Variants in RNF130 observed in about 807,000 individuals in gnomAD.
The protein encoded by RNF130 is E3 ubiquitin-protein ligase RNF130.
A neutral mutation model predicts 44.6 loss-of-function variants in RNF130; 21 were observed. That is an observed-to-expected ratio of 0.47 (90% CI 0.33 to 0.68). The LOEUF (loss-of-function observed/expected upper bound fraction) is 0.68. Among genes scored for constraint, RNF130 ranks in the 30% least tolerant of loss-of-function variants. The pLI is 0.02. For missense variants in RNF130, 479 were observed against 560.6 expected, an observed-to-expected ratio of 0.85 and a Z score of 1.47; for synonymous variants, 214 against 210.4, an observed-to-expected ratio of 1.02 and a Z score of -0.15.
intron 2 of RNF130, among the ~76,000 whole-genome samples, chr5:180,028,675 T>C (rs1764050197): frequency 6.6e-6 from 1 of 152,274 alleles, no homozygotes; most frequent in East Asian, 1.9e-4. Flanking sequence ...AGGGAGGAAG[T>C]GTTCCCGGCA....
At chr5:179,927,665 C>T (rs155574) in intron 7 of RNF130, among the ~76,000 whole-genome samples, 83,618 of 149,588 alleles carry the variant, frequency 0.56, 26,027 homozygotes, top group African/African-American at 0.82. Flanking sequence ...CTTGGCTCAC[C>T]GCAAGCTCTG....
chr5:179,933,210 A>C (rs1026690525), intron 7 of RNF130, among the ~76,000 whole-genome samples: 1 of 152,226 alleles, frequency 6.6e-6, no homozygotes, highest in African/African-American at 2.4e-5. Context: ...AAAAGAATTC[A>C]CCAATGAAAT....
intron 3 of RNF130, among the ~76,000 whole-genome samples, chr5:179,992,598 G>A (rs947296625): frequency 2.6e-4 from 40 of 152,142 alleles, no homozygotes; most frequent in East Asian, 7.7e-4. Flanking sequence ...TTTTTTTGGG[G>A]GGGTGTCATA....
At chr5:179,946,253 C>A (rs1426477191) in intron 7 of RNF130, among the ~76,000 whole-genome samples, 2 of 152,212 alleles carry the variant, frequency 1.3e-5, no homozygotes, top group African/African-American at 2.4e-5. Flanking sequence ...TGACTCTTCA[C>A]TGTCCATGTG....
At chr5:180,008,095 G>C (rs1561689964) in intron 3 of RNF130, among the ~76,000 whole-genome samples, 1 of 148,588 alleles carries the variant, frequency 6.7e-6, no homozygotes, top group Non-Finnish European at 1.5e-5. Context: ...TGGCTTCCAA[G>C]CTTCCTTACT....
chr5:179,920,859 G>A (rs1469084668), intron 7 of RNF130, among the ~76,000 whole-genome samples: 1 of 149,088 alleles, frequency 6.7e-6, no homozygotes, highest in African/African-American at 2.5e-5. Flanking sequence ...GTGTGATCTT[G>A]GCTCACTGCA....
chr5:180,055,457 T>TGTGC (rs1554107249), intron 1 of RNF130, among the ~76,000 whole-genome samples: 4 of 151,290 alleles, frequency 2.6e-5, no homozygotes, highest in Non-Finnish European at 4.4e-5. Flanking sequence ...TGTGTGCGTG[T>TGTGC]GTGTGTGTGT....
intron 1 of RNF130, among the ~76,000 whole-genome samples, chr5:180,043,892 GTATT>G (rs1465677362): frequency 6.6e-6 from 1 of 152,116 alleles, no homozygotes; most frequent in Non-Finnish European, 1.5e-5. Context: ...CAAAAAAGTG[GTATT>G]TATTATTCAG....
chr5:180,067,971 C>G (rs1765146748), intron 1 of RNF130, among the ~76,000 whole-genome samples: 1 of 152,208 alleles, frequency 6.6e-6, no homozygotes, highest in South Asian at 2.1e-4. Flanking sequence ...ACCTAAGATT[C>G]ACTTTTTTGA....
chr5:179,994,671 G>A (rs1385568649), intron 3 of RNF130, among the ~76,000 whole-genome samples: 1 of 152,136 alleles, frequency 6.6e-6, no homozygotes, highest in Non-Finnish European at 1.5e-5. Context: ...TGGGTGAGCT[G>A]GCTCATAACC....
intron 5 of RNF130, among the ~76,000 whole-genome samples, chr5:179,971,380 T>G (rs1762582860): frequency 6.6e-6 from 1 of 152,182 alleles, no homozygotes; most frequent in Non-Finnish European, 1.5e-5. Context: ...TTTTGTTTGT[T>G]TGTTTTTGAG....
At chr5:179,930,858 A>G (rs1300481478) in intron 7 of RNF130, among the ~76,000 whole-genome samples, 2 of 151,558 alleles carry the variant, frequency 1.3e-5, no homozygotes, top group Admixed American at 1.3e-4. Flanking sequence ...AGTAAACATA[A>G]CAAAACCCGG....
At chr5:179,978,909 G>GT (rs1156522905) in intron 4 of RNF130, among the ~76,000 whole-genome samples, 1 of 152,150 alleles carries the variant, frequency 6.6e-6, no homozygotes, top group East Asian at 1.9e-4. Context: ...CTGAGAAGGG[G>GT]TTTTGCAAAA....
chr5:179,949,394 G>A (rs1361771382), intron 7 of RNF130, among the ~76,000 whole-genome samples: 1 of 151,306 alleles, frequency 6.6e-6, no homozygotes, highest in East Asian at 1.9e-4. Flanking sequence ...GAGTAGCTAG[G>A]GCTTATAAGA....
At chr5:179,966,072 G>C (rs1762436601) in intron 7 of RNF130, among the ~76,000 whole-genome samples, 1 of 152,194 alleles carries the variant, frequency 6.6e-6, no homozygotes. Context: ...GAAGCGAAGA[G>C]AAGAGCTGGC....
At position 179,970,421 on chromosome 5, in the gene RNF130, G is replaced by C; in HGVS notation, c.934C>G (p.Leu312Val). The part of the protein sequence containing the change: ...PMCKLNILKA[L>V]GIVPNLPCTD... The stretch of plus-strand genomic sequence containing the variant: ...AATAGGAAACGTACCACAATTCCCA[G>C]GGCCTTCAATATATTAAGTTTGCAC... The change falls in exon 6 of 9, where the codon CTG (leucine) becomes GTG (valine). Residue 312 changes from leucine (L) to valine (V), a missense_variant. Coordinates refer to ENST00000521389, the MANE Select transcript of RNF130 (RefSeq NM_018434.6). The C allele has an allele frequency of 6.2e-7, 1 of 1,610,576 alleles. No homozygotes were observed. The highest frequency in any genetic ancestry group is 8.5e-7 in the Non-Finnish European group (1 of 1,178,084).
intron 8 of RNF130, 75 bp from the exon 9 acceptor site, chr5:179,955,744 T>TTCAGTTAGGGTC: frequency 8.0e-7 from 1 of 1,254,120 alleles, no homozygotes. Flanking sequence ...GAAGTGACCC[T>TTCAGTTAGGGTC]AACTGAAGGG....
intron 2 of RNF130, among the ~76,000 whole-genome samples, chr5:180,014,769 T>C (rs1343646532): frequency 6.6e-6 from 1 of 152,172 alleles, no homozygotes; most frequent in Non-Finnish European, 1.5e-5. Context: ...GTGGATTGCT[T>C]GAGCTCAGGA....
chr5:179,989,029 T>C (rs1463119919), intron 3 of RNF130, among the ~76,000 whole-genome samples: 1 of 152,150 alleles, frequency 6.6e-6, no homozygotes, highest in Admixed American at 6.5e-5. Flanking sequence ...GGGTAATTTA[T>C]AAAGAAAAGA....
Sources: allele counts gnomAD v4.1 joint callset (sites outside exome capture counted in the v4.1 genomes callset), GRCh38; gene constraint gnomAD v4.1.1; transcripts MANE v1.5; gene names NCBI Gene and HGNC (gene_info 2026-07-23, HGNC 2026-07-21).